The following RPGRIP1L variants were observed in gnomAD, a reference collection of about 807,000 sequenced individuals.
The protein encoded by RPGRIP1L is RPGRIP1 like.
Under a neutral mutation model 160.4 loss-of-function variants are expected in RPGRIP1L, and 131 were observed. The ratio of observed to expected loss-of-function variants is 0.82; its 90% confidence interval spans 0.71 to 0.94. RPGRIP1L has a LOEUF of 0.94. Ranked by LOEUF, RPGRIP1L falls within the 40% of genes least tolerant of loss-of-function variation. The probability of loss-of-function intolerance (pLI) is 0.00; values close to 1 mark genes in which losing one functional copy is unlikely to be tolerated. For synonymous variants in RPGRIP1L, 510 were observed against 515.8 expected (o/e 0.99, Z 0.15); for missense variants, 1,522 against 1,535.8 (o/e 0.99, Z 0.15).
At chr16:53,644,547 T>C (rs1018928651) in intron 17 of RPGRIP1L, among the ~76,000 whole-genome samples, 17 of 152,098 alleles carry the variant, frequency 1.1e-4, no homozygotes, top group Non-Finnish European at 2.2e-4. Context: ...AGTAGAACTG[T>C]TGAAAGCCAA....
intron 14 of RPGRIP1L, chr16:53,655,537 A>C (rs1410669567): frequency 6.6e-6 from 1 of 152,210 alleles, no homozygotes; most frequent in East Asian, 1.9e-4. Flanking sequence ...CATTTTGGTT[A>C]TGGAGAATAT....
chr16:53,676,860 C>G (rs936812891), intron 6 of RPGRIP1L, among the ~76,000 whole-genome samples: 5 of 151,994 alleles, frequency 3.3e-5, no homozygotes, highest in Non-Finnish European at 5.9e-5. Flanking sequence ...GTTTCGATCT[C>G]CTGACCTCAT....
intron 5 of RPGRIP1L, among the ~76,000 whole-genome samples, chr16:53,687,327 T>C (rs1305360384): frequency 6.6e-6 from 1 of 152,098 alleles, no homozygotes; most frequent in Non-Finnish European, 1.5e-5. Flanking sequence ...ACTGAAACCA[T>C]GAGGCTTGGA....
chr16:53,621,430 ATTT>A (rs10710732), intron 23 of RPGRIP1L, among the ~76,000 whole-genome samples: 5 of 135,056 alleles, frequency 3.7e-5, no homozygotes, highest in East Asian at 2.2e-4. Flanking sequence ...TTTCTGGTCA[ATTT>A]TTTTTTTTTT....
At chr16:53,617,140 C>T (rs911442468) in intron 24 of RPGRIP1L, among the ~76,000 whole-genome samples, 2 of 141,044 alleles carry the variant, frequency 1.4e-5, no homozygotes, top group Non-Finnish European at 3.0e-5. Flanking sequence ...TAGAGGTAAC[C>T]ATGTGAGAAT....
intron 13 of RPGRIP1L, among the ~76,000 whole-genome samples, 196 bp downstream of exon 13, chr16:53,657,257 A>C (rs1335016720): frequency 6.6e-6 from 1 of 152,020 alleles, no homozygotes; most frequent in African/African-American, 2.4e-5. Flanking sequence ...AAAACCAAAA[A>C]AACCCCACAT....
chr16:53,632,245 A>G (rs112234097), intron 22 of RPGRIP1L, among the ~76,000 whole-genome samples: 1 of 152,236 alleles, frequency 6.6e-6, no homozygotes, highest in Admixed American at 6.5e-5. Context: ...AGTATATCAG[A>G]TAATTCAAAT....
At chr16:53,696,724 T>C (rs1040785931) in intron 2 of RPGRIP1L, among the ~76,000 whole-genome samples, 9 of 152,192 alleles carry the variant, frequency 5.9e-5, no homozygotes, top group Non-Finnish European at 1.3e-4. Context: ...GTGCTATGAG[T>C]GTCTTAGAAA....
At chr16:53,636,941 GACACACACACACACACACACAC>G (rs34373919) in intron 21 of RPGRIP1L, among the ~76,000 whole-genome samples, 15 of 142,124 alleles carry the variant, frequency 1.1e-4, no homozygotes, top group African/African-American at 3.1e-4. Context: ...TGCAATATTT[GACACACACACACACACACACAC>G]ACACACACAC....
chr16:53,661,137 T>C (rs1271990779), intron 10 of RPGRIP1L, among the ~76,000 whole-genome samples: 19 of 151,236 alleles, frequency 1.3e-4, no homozygotes. Context: ...CTACTAAAAA[T>C]ACAAGAATTA....
intron 2 of RPGRIP1L, among the ~76,000 whole-genome samples, chr16:53,697,602 G>A (rs1026584966): frequency 6.6e-6 from 1 of 152,250 alleles, no homozygotes; most frequent in Non-Finnish European, 1.5e-5. Context: ...GACCGCGAGT[G>A]ATCCACCAGC....
intron 22 of RPGRIP1L, among the ~76,000 whole-genome samples, chr16:53,628,975 A>G (rs547904400): frequency 6.6e-6 from 1 of 150,688 alleles, no homozygotes; most frequent in Non-Finnish European, 1.5e-5. Context: ...TTTCATCACC[A>G]TAGAAATGGT....
chr16:53,653,230 A>C (rs1966941396), intron 14 of RPGRIP1L: 1 of 801,842 alleles, frequency 1.2e-6, no homozygotes, highest in Admixed American at 6.2e-5. Flanking sequence ...AGCCAGGAAA[A>C]AGGGGAGAAA....
chr16:53,697,508 C>T (rs559221654), intron 2 of RPGRIP1L, among the ~76,000 whole-genome samples: 275 of 151,954 alleles, frequency 1.8e-3, no homozygotes, highest in African/African-American at 6.5e-3. Context: ...ATTGCAGGCG[C>T]ACGCCGCCAC....
chr16:53,607,128 C>T (rs1963739417), intron 25 of RPGRIP1L, among the ~76,000 whole-genome samples: 1 of 129,544 alleles, frequency 7.7e-6, no homozygotes, highest in Admixed American at 7.2e-5. Flanking sequence ...AGCTGTGTGA[C>T]CTTAGACAAG....
At chr16:53,604,855 G>C (rs1490125168) in intron 26 of RPGRIP1L, among the ~76,000 whole-genome samples, 1 of 152,120 alleles carries the variant, frequency 6.6e-6, no homozygotes, top group Non-Finnish European at 1.5e-5. Context: ...TTAAGTCTTA[G>C]CTGAAATGTG....
At chr16:53,627,127 G>A (rs912173679) in intron 22 of RPGRIP1L, among the ~76,000 whole-genome samples, 6 of 152,130 alleles carry the variant, frequency 3.9e-5, no homozygotes, top group Admixed American at 2.6e-4. Flanking sequence ...GGATTGTGCT[G>A]AATTCTTCCT....
chr16:53,602,775 GAAA>G (rs398029414), intron 26 of RPGRIP1L, among the ~76,000 whole-genome samples: 1 of 133,120 alleles, frequency 7.5e-6, no homozygotes. Context: ...ACTCCTCAAA[GAAA>G]AAAAAAAAAA....
intron 1 of RPGRIP1L, 134 bp from the exon 2 acceptor site, chr16:53,700,864 G>A (rs1424189549): frequency 7.0e-6 from 5 of 715,746 alleles, no homozygotes; most frequent in African/African-American, 3.5e-5. Context: ...GCTGCTTGGA[G>A]AAGATGAAAG....
Sources: gnomAD v4.1 joint callset for allele counts (sites outside exome capture counted in the v4.1 genomes callset) on GRCh38, gnomAD v4.1.1 for gene constraint, MANE v1.5 for transcripts, NCBI Gene and HGNC (gene_info 2026-07-23, HGNC 2026-07-21) for gene names.